The following ABR variants were observed in gnomAD, a reference collection of about 807,000 sequenced individuals.
ABR encodes ABR activator of RhoGEF and GTPase.
Under a neutral mutation model 107.2 loss-of-function variants are expected in ABR, and 35 were observed. The observed-to-expected ratio is 0.33, with a 90% CI of 0.25 to 0.43. The LOEUF (loss-of-function observed/expected upper bound fraction) is 0.43, where lower values mean the gene tolerates loss of function less well. Among genes scored for constraint, ABR ranks in the 20% least tolerant of loss-of-function variants. The pLI is 1.00. For synonymous variants in ABR, 498 were observed against 462.0 expected (o/e 1.08, Z -1.00); for missense variants, 815 against 1,115.2 (o/e 0.73, Z 3.83).
intron 1 of ABR, among the ~76,000 whole-genome samples, chr17:1,158,047 T>A (rs1309941534): frequency 6.6e-6 from 1 of 152,182 alleles, no homozygotes; most frequent in African/African-American, 2.4e-5. Context: ...TGGATTCTCT[T>A]CCAACAGGTG....
At chr17:1,105,770 G>A (rs978002763) in intron 2 of ABR, among the ~76,000 whole-genome samples, 2 of 152,282 alleles carry the variant, frequency 1.3e-5, no homozygotes, top group East Asian at 3.9e-4. Context: ...GGAGGCTGAG[G>A]TGGGAGGACT....
intron 1 of ABR, among the ~76,000 whole-genome samples, chr17:1,135,262 G>A (rs375158085): frequency 6.6e-6 from 1 of 152,346 alleles, no homozygotes; most frequent in Admixed American, 6.5e-5. Flanking sequence ...TGAGCCGAGA[G>A]CCGTGCAGGA....
intron 5 of ABR, among the ~76,000 whole-genome samples, chr17:1,082,104 G>A (rs560942678): frequency 2.8e-4 from 43 of 152,182 alleles, no homozygotes; most frequent in African/African-American, 8.4e-4. Context: ...CTCTTCTAGC[G>A]TTAGAGCTGA....
upstream of ABR, among the ~76,000 whole-genome samples, chr17:1,184,072 G>A (rs1056132972): frequency 5.9e-5 from 9 of 151,752 alleles, no homozygotes; most frequent in Non-Finnish European, 1.3e-4. Context: ...TTAGCCAGGC[G>A]TGGTGCATGT....
At position 1,049,226 on chromosome 17, in the gene ABR, G is replaced by A. The variant is rs144261639; in HGVS notation, c.1791+824C>T. Among the ~76,000 whole-genome samples the A allele has an allele frequency of 4.7e-3, 716 of 152,200 alleles. 7 individuals are homozygous for A. Among genetic ancestry groups the A allele is most frequent in the African/African-American group, 0.016 (682 of 41,504 alleles). Reference sequence around the variant, plus strand: ...AGACACGGTCTGACTCCATCACCCAGGCGCGATCTCAGCTCACTGCAACCT... The same window carrying A: ...AGACACGGTCTGACTCCATCACCCAAGCGCGATCTCAGCTCACTGCAACCT... On this transcript the variant is annotated intron_variant, in intron 16 of 22. Transcript: ENST00000302538.
intron 1 of ABR, among the ~76,000 whole-genome samples, chr17:1,221,484 T>C (rs1230840309): frequency 1.3e-5 from 2 of 152,230 alleles, no homozygotes; most frequent in African/African-American, 4.8e-5. Flanking sequence ...GGAGTCACCA[T>C]ACTCTCGGCC....
intron 1 of ABR, among the ~76,000 whole-genome samples, chr17:1,194,539 T>G (rs979335790): frequency 7.7e-6 from 1 of 129,498 alleles, no homozygotes; most frequent in Admixed American, 9.4e-5. Context: ...TCGCCCAGAC[T>G]GGAGTGTAGT....
intron 16 of ABR, among the ~76,000 whole-genome samples, chr17:1,021,289 C>T (rs1346346601): frequency 6.6e-6 from 1 of 152,228 alleles, no homozygotes; most frequent in East Asian, 1.9e-4. Flanking sequence ...AGGCCTCCGC[C>T]TCCTTCCTGA....
At chr17:1,052,353 G>A (rs1367506102) in intron 14 of ABR, among the ~76,000 whole-genome samples, 2 of 151,068 alleles carry the variant, frequency 1.3e-5, no homozygotes, top group Non-Finnish European at 2.9e-5. Context: ...GGGCTCACAG[G>A]GTCAGAGGGA....
At chr17:1,094,185 T>C (rs2037239181) in intron 3 of ABR, among the ~76,000 whole-genome samples, 1 of 152,082 alleles carries the variant, frequency 6.6e-6, no homozygotes, top group African/African-American at 2.4e-5. Flanking sequence ...GGCAAGCGCA[T>C]GGGGTTCCAC....
chr17:1,203,412 T>G (rs1322092582), intron 1 of ABR, among the ~76,000 whole-genome samples: 1 of 56,222 alleles, frequency 1.8e-5, no homozygotes, highest in Non-Finnish European at 3.8e-5. Flanking sequence ...GGGGGCGGAG[T>G]CTGCGGGGGC....
chr17:1,173,258 GCCCACCCAACACA>G (rs1336158872), intron 1 of ABR, among the ~76,000 whole-genome samples: 90 of 107,762 alleles, frequency 8.4e-4, no homozygotes, highest in African/African-American at 3.0e-3. Flanking sequence ...CATCACCTCA[GCCCACCCAACACA>G]TCACCTCAGC....
At chr17:1,057,674 T>C (rs2033486928) in intron 12 of ABR, among the ~76,000 whole-genome samples, 1 of 150,766 alleles carries the variant, frequency 6.6e-6, no homozygotes. Context: ...TGTGTGTGTG[T>C]GTGTGTGTGT....
chr17:1,183,110 C>T (rs1340679768), upstream of ABR, among the ~76,000 whole-genome samples: 1 of 152,166 alleles, frequency 6.6e-6, no homozygotes, highest in Admixed American at 6.5e-5. Context: ...GTGCTCTAAC[C>T]CCAGCGATCA....
intron 1 of ABR, among the ~76,000 whole-genome samples, chr17:1,142,322 C>T (rs910217415): frequency 2.0e-5 from 3 of 152,062 alleles, no homozygotes; most frequent in South Asian, 2.1e-4. Flanking sequence ...CAGTGGCTCA[C>T]GCCTGTCATC....
At chr17:1,105,157 C>T (rs574011070) in intron 2 of ABR, among the ~76,000 whole-genome samples, 4 of 151,878 alleles carry the variant, frequency 2.6e-5, no homozygotes, top group Admixed American at 1.3e-4. Flanking sequence ...TACAGGTGCA[C>T]GCCACCACGC....
intron 13 of ABR, among the ~76,000 whole-genome samples, chr17:1,056,347 C>G (rs892413220): frequency 2.6e-5 from 4 of 152,020 alleles, no homozygotes; most frequent in Admixed American, 6.5e-5. Context: ...TCCAGCACAC[C>G]CACCATCCTG....
At chr17:1,188,221 A>C (rs1487248731), upstream of ABR, among the ~76,000 whole-genome samples, 3 of 151,952 alleles carry the variant, frequency 2.0e-5, no homozygotes, top group Admixed American at 1.3e-4. Flanking sequence ...AAAACAAATA[A>C]GTAAATAAAA....
At chr17:1,220,105 C>T (rs1465070023) in intron 1 of ABR, among the ~76,000 whole-genome samples, 1 of 151,862 alleles carries the variant, frequency 6.6e-6, no homozygotes, top group Non-Finnish European at 1.5e-5. Flanking sequence ...GCCTGGCCAA[C>T]ATGGTGAAAT....
Sources: gnomAD v4.1 joint callset for allele counts (sites outside exome capture counted in the v4.1 genomes callset) on GRCh38, gnomAD v4.1.1 for gene constraint, MANE v1.5 for transcripts, NCBI Gene and HGNC (gene_info 2026-07-23, HGNC 2026-07-21) for gene names.